STPG2: variants seen among roughly 807,000 people sequenced by gnomAD.
STPG2 encodes the protein sperm-tail PG-rich repeat-containing protein 2.
STPG2 carries 56 observed loss-of-function variants against 54.2 expected under a neutral mutation model. That is an observed-to-expected ratio of 1.03 (90% CI 0.83 to 1.29). The LOEUF is 1.29. Ranked by LOEUF, STPG2 falls within the 50% of genes most tolerant of loss-of-function variation. The pLI, the probability that STPG2 is intolerant of heterozygous loss-of-function variation, is 0.00. For missense variants in STPG2, 596 were observed against 544.9 expected (o/e 1.09, Z -0.93); for synonymous variants, 200 against 181.8 (o/e 1.10, Z -0.81).
chr4:97,788,980 CT>C (rs1726911424), intron 9 of STPG2, among the ~76,000 whole-genome samples: 1 of 151,862 alleles, frequency 6.6e-6, no homozygotes, highest in Non-Finnish European at 1.5e-5. Flanking sequence ...TTCAGTATCA[CT>C]TTTTGTTCCA....
intron 5 of STPG2, among the ~76,000 whole-genome samples, chr4:98,002,414 A>C (rs1273502087): frequency 6.6e-6 from 1 of 152,076 alleles, no homozygotes; most frequent in Non-Finnish European, 1.5e-5. Flanking sequence ...ATAAATTAGA[A>C]TTTCCCATAT....
At chr4:97,658,353 T>C (rs1204565537) in intron 10 of STPG2, among the ~76,000 whole-genome samples, 1 of 152,196 alleles carries the variant, frequency 6.6e-6, no homozygotes, top group Admixed American at 6.5e-5. Context: ...TTAAGTTCAA[T>C]TGAAAACATT....
At chr4:97,673,972 T>C (rs1722768420) in intron 10 of STPG2, among the ~76,000 whole-genome samples, 1 of 152,218 alleles carries the variant, frequency 6.6e-6, no homozygotes, top group Non-Finnish European at 1.5e-5. Context: ...AAAATGTCCT[T>C]GGGATCTAAC....
chr4:97,736,578 G>T (rs1019695162), intron 9 of STPG2, among the ~76,000 whole-genome samples: 6 of 152,304 alleles, frequency 3.9e-5, no homozygotes, highest in African/African-American at 1.4e-4. Context: ...GGCTCAGAGG[G>T]TCCTATGCCC....
intron 10 of STPG2, among the ~76,000 whole-genome samples, chr4:97,681,635 G>T (rs555710879): frequency 6.6e-6 from 1 of 151,744 alleles, no homozygotes; most frequent in African/African-American, 2.4e-5. Context: ...TTTTACAAAA[G>T]ACATGACTTT....
chr4:97,781,922 A>G (rs140615923), intron 9 of STPG2, among the ~76,000 whole-genome samples: 3,079 of 152,164 alleles, frequency 0.02, 99 homozygotes, highest in African/African-American at 0.07. Flanking sequence ...AGGTATTGAT[A>G]GGCCGTATCT....
chr4:97,905,385 A>C (rs1256192693), intron 8 of STPG2, among the ~76,000 whole-genome samples: 7 of 152,038 alleles, frequency 4.6e-5, no homozygotes, highest in South Asian at 2.1e-4. Context: ...GAAATAAAAT[A>C]CTTTACAGAC....
chr4:97,752,944 A>G (rs754181168), intron 9 of STPG2, among the ~76,000 whole-genome samples: 1 of 151,818 alleles, frequency 6.6e-6, no homozygotes, highest in Non-Finnish European at 1.5e-5. Flanking sequence ...AACTATCTCA[A>G]TTATTCATTG....
intron 4 of STPG2, among the ~76,000 whole-genome samples, chr4:97,452,582 A>C (rs1392891087): frequency 6.6e-6 from 1 of 152,150 alleles, no homozygotes; most frequent in Non-Finnish European, 1.5e-5. Flanking sequence ...CTGGACAACC[A>C]ACTACAAAGA....
rs200658909 is a variant in STPG2 at position 97,999,020 on chromosome 4, C to T, written c.613-17702G>A. Reference sequence around the variant, plus strand: ...GCTCTTTCTATTTGTATTTTTTTTTCTGTAATAAACTATAGATTTAAGCAT... The same window carrying T: ...GCTCTTTCTATTTGTATTTTTTTTTTTGTAATAAACTATAGATTTAAGCAT... On this transcript the variant is annotated intron_variant, in intron 5 of 10. Coordinates refer to ENST00000295268, the MANE Select transcript of STPG2 (RefSeq NM_174952.3). Among the ~76,000 whole-genome samples, 52 of 151,560 alleles carry T rather than the reference C, an allele frequency of 3.4e-4. 1 individual carries two copies. Among genetic ancestry groups the T allele is most frequent in the Admixed American group, 1.4e-3 (21 of 15,234 alleles).
chr4:97,716,456 C>T (rs957638611), intron 9 of STPG2, among the ~76,000 whole-genome samples: 1 of 152,076 alleles, frequency 6.6e-6, no homozygotes, highest in Non-Finnish European at 1.5e-5. Context: ...CCCAAATGCC[C>T]ATCAATGATA....
chr4:97,981,264 G>C lies in STPG2; in HGVS notation c.667C>G (p.Arg223Gly). 1.2e-6 allele frequency: 2 copies of C among 1,614,030 alleles called. No individual in the cohort carries two copies. The highest frequency in any genetic ancestry group is 1.7e-6 in the Non-Finnish European group (2 of 1,179,972). The change falls in exon 6 of 11, where the codon CGA becomes GGA. Residue 223 changes from arginine (R) to glycine (G), a missense_variant. Transcript: ENST00000295268. The part of the protein sequence containing the change: ...TPAPGTYNEP[R>G]TALKSLKKTS... ...TTCTTCAAAGACTTGAGAGCAGTTC[G>C]AGGTTCATTATATGTGCCAGGAGCC...
At chr4:97,840,389 C>G (rs1183667231) in intron 9 of STPG2, among the ~76,000 whole-genome samples, 1 of 151,404 alleles carries the variant, frequency 6.6e-6, no homozygotes, top group Non-Finnish European at 1.5e-5. Flanking sequence ...CACCCTCCCC[C>G]AAAATCTTCT....
At chr4:97,499,000 C>T (rs1053209746) in intron 4 of STPG2, among the ~76,000 whole-genome samples, 1 of 151,920 alleles carries the variant, frequency 6.6e-6, no homozygotes, top group Non-Finnish European at 1.5e-5. Flanking sequence ...AATGATGAGT[C>T]ACAAAAATCC....
chr4:98,043,311 C>T (rs948815072), intron 5 of STPG2, among the ~76,000 whole-genome samples: 1 of 152,010 alleles, frequency 6.6e-6, no homozygotes, highest in Non-Finnish European at 1.5e-5. Context: ...AATTGTAGAG[C>T]TTATTTCATA....
intron 10 of STPG2, among the ~76,000 whole-genome samples, chr4:97,591,965 A>G (rs1410655619): frequency 6.6e-6 from 1 of 152,220 alleles, no homozygotes; most frequent in Non-Finnish European, 1.5e-5. Context: ...CCAGTACCTG[A>G]AAATCATTTT....
At chr4:97,737,629 A>G (rs1312436939) in intron 9 of STPG2, among the ~76,000 whole-genome samples, 1 of 152,204 alleles carries the variant, frequency 6.6e-6, no homozygotes. Flanking sequence ...AGATGAAATG[A>G]ATGAAATGAA....
At chr4:97,554,055 A>G (rs2148869405), downstream of STPG2, among the ~76,000 whole-genome samples, 1 of 152,322 alleles carries the variant, frequency 6.6e-6, no homozygotes, top group Non-Finnish European at 1.5e-5. Context: ...AAGTGTCATT[A>G]TAAATAACTT....
intron 10 of STPG2, among the ~76,000 whole-genome samples, chr4:97,626,190 C>A (rs1315728553): frequency 1.3e-5 from 2 of 152,088 alleles, no homozygotes; most frequent in African/African-American, 2.4e-5. Flanking sequence ...ATCATAAACT[C>A]TCTTTTTCCA....
Sources: allele counts gnomAD v4.1 joint callset (sites outside exome capture counted in the v4.1 genomes callset), GRCh38; gene constraint gnomAD v4.1.1; transcripts MANE v1.5; gene names NCBI Gene and HGNC (gene_info 2026-07-23, HGNC 2026-07-21).